ZSWIM6: variants seen among roughly 807,000 people sequenced by gnomAD.
ZSWIM6 encodes the protein zinc finger SWIM domain-containing protein 6.
In ZSWIM6, 9 loss-of-function variants were observed where a neutral mutation model predicts 113.2. That is an observed-to-expected ratio of 0.08 (90% CI 0.05 to 0.14). ZSWIM6 has a LOEUF of 0.14. ZSWIM6 is among the 10% of genes least tolerant of loss of function. ZSWIM6 has a pLI of 1.00. For missense variants in ZSWIM6, 1,162 were observed against 1,552.2 expected, an observed-to-expected ratio of 0.75 and a Z score of 4.22; for synonymous variants, 611 against 606.5, an observed-to-expected ratio of 1.01 and a Z score of -0.11.
At chr5:61,391,564 T>C in intron 1 of ZSWIM6, 1 of 955,324 alleles carries the variant, frequency 1.0e-6, no homozygotes. Context: ...GAAGACAGTA[T>C]TGAAGGTCTG....
chr5:61,483,181 G>A (rs145543053), intron 2 of ZSWIM6, among the ~76,000 whole-genome samples: 14 of 152,290 alleles, frequency 9.2e-5, no homozygotes, highest in East Asian at 1.9e-4. Flanking sequence ...GGCACAGGGC[G>A]TTGCGTGGTA....
At chr5:61,395,128 A>T (rs576106411) in intron 1 of ZSWIM6, among the ~76,000 whole-genome samples, 2 of 152,304 alleles carry the variant, frequency 1.3e-5, no homozygotes, top group South Asian at 4.1e-4. Flanking sequence ...TACATTTATA[A>T]TGCAACTCAT....
intron 4 of ZSWIM6, among the ~76,000 whole-genome samples, chr5:61,495,676 G>A (rs190237801): frequency 1.3e-5 from 2 of 152,238 alleles, no homozygotes; most frequent in East Asian, 1.9e-4. Flanking sequence ...GGGGCACAGT[G>A]TGGTGGTTAA....
At chr5:61,414,216 T>G (rs1443555086) in intron 1 of ZSWIM6, among the ~76,000 whole-genome samples, 2 of 152,094 alleles carry the variant, frequency 1.3e-5, no homozygotes, top group Non-Finnish European at 2.9e-5. Context: ...TAGTTCAGTA[T>G]TAGCTTGGAC....
At chr5:61,385,387 T>G (rs865994199) in intron 1 of ZSWIM6, among the ~76,000 whole-genome samples, 2 of 152,316 alleles carry the variant, frequency 1.3e-5, no homozygotes, top group Middle Eastern at 3.4e-3. Context: ...TGACCATAGT[T>G]GAAGCTTAAC....
chr5:61,397,092 T>C (rs1170116543), intron 1 of ZSWIM6, among the ~76,000 whole-genome samples: 9 of 152,210 alleles, frequency 5.9e-5, no homozygotes, highest in Admixed American at 3.9e-4. Context: ...TGCCATATTG[T>C]CAATATTTGC....
intron 1 of ZSWIM6, among the ~76,000 whole-genome samples, chr5:61,343,596 A>G (rs902200926): frequency 1.3e-5 from 2 of 152,164 alleles, no homozygotes; most frequent in African/African-American, 4.8e-5. Flanking sequence ...TATAAGGGGC[A>G]TACCTGGAGT....
intron 1 of ZSWIM6, among the ~76,000 whole-genome samples, chr5:61,444,505 TC>T (rs1746908628): frequency 6.6e-6 from 1 of 152,162 alleles, no homozygotes; most frequent in South Asian, 2.1e-4. Flanking sequence ...TAGTTCTAGA[TC>T]CCTGAGAAAT....
chr5:61,468,315 G>T (rs945141829), intron 1 of ZSWIM6, among the ~76,000 whole-genome samples: 2 of 152,084 alleles, frequency 1.3e-5, no homozygotes, highest in Admixed American at 1.3e-4. Flanking sequence ...ACATTTTATT[G>T]GGTTCTGTGA....
chr5:61,437,032 C>T (rs998008030), intron 1 of ZSWIM6, among the ~76,000 whole-genome samples: 2 of 152,134 alleles, frequency 1.3e-5, no homozygotes, highest in Non-Finnish European at 2.9e-5. Flanking sequence ...TGAGCATCTG[C>T]TTCAAGGCAC....
chr5:61,339,043 ATGAAT>A (rs1744469580), intron 1 of ZSWIM6, among the ~76,000 whole-genome samples: 1 of 152,156 alleles, frequency 6.6e-6, no homozygotes, highest in East Asian at 1.9e-4. Context: ...TTCTAACCCT[ATGAAT>A]GTTTCATATG....
chr5:61,375,270 A>G, intron 1 of ZSWIM6: 1 of 1,612,278 alleles, frequency 6.2e-7, no homozygotes, highest in Non-Finnish European at 8.5e-7. Context: ...AGGAAAAGAA[A>G]GGCTCCAAGG....
At chr5:61,403,757 C>T (rs1745986452) in intron 1 of ZSWIM6, among the ~76,000 whole-genome samples, 1 of 152,118 alleles carries the variant, frequency 6.6e-6, no homozygotes, top group Non-Finnish European at 1.5e-5. Context: ...CTTTTTTGGC[C>T]AGTGTAGATT....
chr5:61,410,942 A>G (rs755375693), intron 1 of ZSWIM6, among the ~76,000 whole-genome samples: 50 of 152,132 alleles, frequency 3.3e-4, no homozygotes, highest in Non-Finnish European at 4.7e-4. Context: ...CTATAACAGG[A>G]CTCAAGGCAA....
At chr5:61,367,458 T>G (rs1561209722) in intron 1 of ZSWIM6, among the ~76,000 whole-genome samples, 1 of 152,144 alleles carries the variant, frequency 6.6e-6, no homozygotes, top group Non-Finnish European at 1.5e-5. Flanking sequence ...ATCACTCTAT[T>G]GGTCTTGAAC....
chr5:61,377,376 T>C (rs1408100304), intron 1 of ZSWIM6, among the ~76,000 whole-genome samples: 1 of 151,958 alleles, frequency 6.6e-6, no homozygotes, highest in East Asian at 1.9e-4. Context: ...TTTTTTTTTC[T>C]TGACATAAAA....
At chr5:61,381,145 C>T (rs1249864665) in intron 1 of ZSWIM6, among the ~76,000 whole-genome samples, 4 of 152,054 alleles carry the variant, frequency 2.6e-5, no homozygotes, top group Non-Finnish European at 5.9e-5. Context: ...CCCAGCTACT[C>T]GGGAGGCTGA....
chr5:61,420,745 A>T (rs1746339998), intron 1 of ZSWIM6, among the ~76,000 whole-genome samples: 1 of 152,210 alleles, frequency 6.6e-6, no homozygotes, highest in African/African-American at 2.4e-5. Flanking sequence ...CAGGCATGGA[A>T]CATGTAATAA....
intron 4 of ZSWIM6, among the ~76,000 whole-genome samples, chr5:61,509,719 G>T (rs1183516603): frequency 6.6e-6 from 1 of 152,110 alleles, no homozygotes; most frequent in Non-Finnish European, 1.5e-5. Context: ...GGGAAAAGGA[G>T]AAATTGAAAT....
Sources: gnomAD v4.1 joint callset for allele counts (sites outside exome capture counted in the v4.1 genomes callset) on GRCh38, gnomAD v4.1.1 for gene constraint, MANE v1.5 for transcripts, NCBI Gene and HGNC (gene_info 2026-07-23, HGNC 2026-07-21) for gene names.